IGSF5: variants seen among roughly 807,000 people sequenced by gnomAD.
IGSF5 encodes immunoglobulin superfamily member 5.
A neutral mutation model predicts 39.4 loss-of-function variants in IGSF5; 41 were observed. That is an observed-to-expected ratio of 1.04 (90% CI 0.81 to 1.35). The LOEUF is 1.35. Among genes scored for constraint, IGSF5 ranks in the 40% most tolerant of loss-of-function variants. IGSF5 has a pLI of 0.00. For synonymous variants in IGSF5, 183 were observed against 175.3 expected, an observed-to-expected ratio of 1.04 and a Z score of -0.34; for missense variants, 487 against 494.6, an observed-to-expected ratio of 0.98 and a Z score of 0.15.
upstream of IGSF5, among the ~76,000 whole-genome samples, chr21:39,741,302 A>T (rs1328640033): frequency 6.6e-6 from 1 of 152,158 alleles, no homozygotes; most frequent in Non-Finnish European, 1.5e-5. Context: ...CGTACCTGGG[A>T]ATCCATATTC....
rs565847621 is a variant in IGSF5, at chr21:39,793,732, T to C, written c.1128+119T>C. ...TATTCATGATGGTGGCATGTTGCCT[T>C]TCCTCCCCTCCATATCAGCTGGTCA... On this transcript the variant is annotated intron_variant, in intron 8 of 8. Coordinates refer to ENST00000380588, the MANE Select transcript of IGSF5 (RefSeq NM_001080444.2). 36 of 792,092 alleles carry C rather than the reference T, an allele frequency of 4.5e-5. No individual in the cohort carries two copies. The African/African-American group carries it at 6.2e-4, about 14-fold the overall frequency. The allele number at this position is 792,092 out of a possible 1,614,324, so 49.1% of individuals were successfully genotyped here. A position where few individuals can be genotyped will look rare whatever the true frequency, so the allele number is the denominator to read the frequency against.
intron 8 of IGSF5, 30 bp downstream of exon 8, chr21:39,793,643 A>T (rs1375887236): frequency 6.4e-7 from 1 of 1,573,040 alleles, no homozygotes; most frequent in Middle Eastern, 1.7e-4. Context: ...CCCTTTTTGG[A>T]CTTTTTTGGC....
chr21:39,719,848 A>T, the IGSF5 span, among the ~76,000 whole-genome samples: 4 of 152,202 alleles, frequency 2.6e-5, no homozygotes, highest in Non-Finnish European at 5.9e-5. Flanking sequence ...AGTGAGGCTG[A>T]TAGGGAGTCA....
chr21:39,730,543 T>G, the IGSF5 span: 1 of 152,112 alleles, frequency 6.6e-6, no homozygotes, highest in African/African-American at 2.4e-5. Context: ...GCAAGAAAGA[T>G]TCCACGACTA....
the IGSF5 span, among the ~76,000 whole-genome samples, chr21:39,736,494 A>T: frequency 6.6e-6 from 1 of 152,170 alleles, no homozygotes; most frequent in East Asian, 1.9e-4. Flanking sequence ...AGGACTGTAC[A>T]TTTTTAAAGC....
chr21:39,760,760 C>T lies in IGSF5; in HGVS notation c.101-4775C>T, dbSNP rs141025386. Among the ~76,000 whole-genome samples, 123 of 152,120 alleles carry T rather than the reference C, an allele frequency of 8.1e-4. 1 individual carries two copies. In the East Asian group the frequency reaches 0.013, roughly 16 times the overall value. On this transcript the variant is annotated intron_variant, in intron 2 of 8. Coordinates refer to ENST00000380588, the MANE Select transcript of IGSF5 (RefSeq NM_001080444.2). ...TAATTTTTTGTATTTTGAGTAGAGA[C>T]GGGGTTTCACTATGTTGGCCAGGAT...
the IGSF5 span, among the ~76,000 whole-genome samples, chr21:39,737,199 C>A: frequency 6.6e-6 from 1 of 151,732 alleles, no homozygotes; most frequent in African/African-American, 2.4e-5. Flanking sequence ...AAAAAAACCC[C>A]TCACCACTCA....
intron 5 of IGSF5, among the ~76,000 whole-genome samples, chr21:39,786,213 C>G (rs1280286005): frequency 6.6e-6 from 1 of 151,970 alleles, no homozygotes; most frequent in African/African-American, 2.4e-5. Flanking sequence ...GCTCATCTGA[C>G]AAAGGGCTAA....
rs1405498440 is a variant in IGSF5, at chr21:39,801,435, A to G, written c.*78A>G. ...CGATGGCATCCTTCCTTTCCATCCTAAGACTGGCCTGCAGCTTTGCCAACA... is the reference window on the plus strand; with the variant it reads ...CGATGGCATCCTTCCTTTCCATCCTGAGACTGGCCTGCAGCTTTGCCAACA... On this transcript the variant is annotated 3_prime_UTR_variant, in exon 9 of 9. Coordinates refer to ENST00000380588, the MANE Select transcript of IGSF5 (RefSeq NM_001080444.2). 9.7e-7 allele frequency: 1 copy of G among 1,035,202 alleles called. No individual in the cohort carries two copies. The highest frequency in any genetic ancestry group is 1.5e-6 in the Non-Finnish European group (1 of 673,112). The allele number at this position is 1,035,202 out of a possible 1,614,324, so 64.1% of individuals were successfully genotyped here. A position where few individuals can be genotyped will look rare whatever the true frequency, so the allele number is the denominator to read the frequency against.
At chr21:39,762,992 G>A (rs2080068706) in intron 2 of IGSF5, among the ~76,000 whole-genome samples, 2 of 152,164 alleles carry the variant, frequency 1.3e-5, no homozygotes, top group Non-Finnish European at 2.9e-5. Context: ...AGAGCAAAGA[G>A]GAAAGGGAGG....
chr21:39,757,403 G>T (rs967803819), intron 2 of IGSF5, among the ~76,000 whole-genome samples: 2 of 151,952 alleles, frequency 1.3e-5, no homozygotes, highest in Non-Finnish European at 2.9e-5. Flanking sequence ...TACACCATCT[G>T]CATCCCTTCA....
chr21:39,738,361 G>C, the IGSF5 span, among the ~76,000 whole-genome samples: 1 of 152,270 alleles, frequency 6.6e-6, no homozygotes, highest in East Asian at 1.9e-4. The surrounding 1 kb of genome is among the most constrained non-coding windows in gnomAD (Gnocchi z 6.4). Flanking sequence ...CCCAACAGCC[G>C]CTTGATTCAA....
chr21:39,775,943 G>A (rs1601133969), intron 4 of IGSF5, among the ~76,000 whole-genome samples: 1 of 152,268 alleles, frequency 6.6e-6, no homozygotes, highest in Non-Finnish European at 1.5e-5. Context: ...TGAGCCAGTG[G>A]CCCTGTGGCT....
intron 8 of IGSF5, among the ~76,000 whole-genome samples, chr21:39,793,914 C>A (rs2086980424): frequency 6.6e-6 from 1 of 152,132 alleles, no homozygotes; most frequent in South Asian, 2.1e-4. Context: ...TAAGAGTGAG[C>A]AGCATATATA....
chr21:39,721,731 C>G, the IGSF5 span, among the ~76,000 whole-genome samples: 3 of 151,302 alleles, frequency 2.0e-5, no homozygotes, highest in African/African-American at 7.3e-5. Context: ...TCCTTCCACC[C>G]ACCCATCCAT....
At chr21:39,795,280 T>G (rs918989335) in intron 8 of IGSF5, among the ~76,000 whole-genome samples, 1 of 152,032 alleles carries the variant, frequency 6.6e-6, no homozygotes, top group Non-Finnish European at 1.5e-5. Flanking sequence ...AGTCTCTGAG[T>G]GAAAGGTGGC....
rs199553929 is a variant in IGSF5 at position 39,745,191 on chromosome 21, G to T, written c.-319G>T. ...TCTCTCTCTCCATCTCTCTCTCTCC[G>T]TGTCTCTCTCTTAGCCATTACAAAC... On this transcript the variant is annotated 5_prime_UTR_variant, in exon 1 of 9. Coordinates refer to ENST00000380588, the MANE Select transcript of IGSF5 (RefSeq NM_001080444.2). 6.7e-6 allele frequency among the ~76,000 whole-genome samples: 1 copy of T among 150,082 alleles called. No homozygotes were observed. The highest frequency in any genetic ancestry group is 6.7e-5 in the Admixed American group (1 of 14,978).
intron 3 of IGSF5, 80 bp from the exon 4 acceptor site, chr21:39,770,836 A>T: frequency 8.9e-7 from 1 of 1,118,346 alleles, no homozygotes; most frequent in Non-Finnish European, 1.2e-6. Flanking sequence ...AACTTAAAAA[A>T]AAAAAGAAAA....
At chr21:39,722,653 A>G in the IGSF5 span, 2 of 152,168 alleles carry the variant, frequency 1.3e-5, no homozygotes, top group Non-Finnish European at 2.9e-5. Flanking sequence ...AACGACACCA[A>G]CAATATTTAA....
Sources: gnomAD v4.1 joint callset for allele counts (sites outside exome capture counted in the v4.1 genomes callset) on GRCh38, gnomAD v4.1.1 for gene constraint, Gnocchi (gnomAD v3.1) non-coding constraint, MANE v1.5 for transcripts, NCBI Gene and HGNC (gene_info 2026-07-23, HGNC 2026-07-21) for gene names.